MSH4: variants seen among roughly 807,000 people sequenced by gnomAD.
The protein encoded by MSH4 is mutS protein homolog 4.
MSH4 carries 106 observed loss-of-function variants against 113.7 expected under a neutral mutation model. The ratio of observed to expected loss-of-function variants is 0.93; its 90% CI spans 0.80 to 1.10. The LOEUF is 1.10. MSH4 is among the 50% of genes least tolerant of loss of function. The pLI is 0.00. For missense variants in MSH4, 1,061 were observed against 1,093.7 expected, an observed-to-expected ratio of 0.97 and a Z score of 0.42; for synonymous variants, 368 against 380.2, an observed-to-expected ratio of 0.97 and a Z score of 0.37.
Position 75,899,638 on chromosome 1 carries a change from T to C in MSH4, c.2551T>C (p.Ser851Pro), listed in dbSNP as rs745712138. 1 of 1,501,904 alleles carries C rather than the reference T, an allele frequency of 6.7e-7. No homozygotes were observed. 93.0% of individuals were successfully genotyped at this position (1,501,904 alleles called of 1,614,324 possible). A position where few individuals can be genotyped will look rare whatever the true frequency, so the allele number is the denominator to read the frequency against. The change falls in exon 19 of 20, where the codon TCA becomes CCA. Residue 851 changes from serine (S) to proline (P), a missense_variant. Ser to Pro is a moderately conservative substitution (Grantham distance 74). Transcript: ENST00000263187. ...KNYGLKAAEV[S>P]SLPPSIVLDA... ...TCTAGGATTAAAAGCTGCAGAGGTG[T>C]CATCACTTCCACCATCAATTGTCTT... is the stretch of plus-strand genomic sequence containing the variant.
chr1:75,857,198 G>A (rs774205046), intron 8 of MSH4, among the ~76,000 whole-genome samples: 21 of 151,980 alleles, frequency 1.4e-4, no homozygotes, highest in Admixed American at 3.3e-4. Context: ...GCCTTTTGTC[G>A]GATGGATAGA....
At chr1:75,876,743 C>A (rs1357029935) in intron 9 of MSH4, among the ~76,000 whole-genome samples, 193 bp from the exon 10 acceptor site, 1 of 151,922 alleles carries the variant, frequency 6.6e-6, no homozygotes, top group Non-Finnish European at 1.5e-5. Context: ...TAGCCATGTA[C>A]TCTTTATTTG....
rs759935796 is a variant in MSH4, at chr1:75,856,237, G to A, written c.1230+7961G>A. ...TTCAGAAAAAAAAATTATAATTAGC[G>A]CCATAAGGTTTTAAAGGGTCAATGT... On this transcript the variant is annotated intron_variant, in intron 8 of 19. Transcript: ENST00000263187. Among the ~76,000 whole-genome samples the A allele has an allele frequency of 7.2e-5, 11 of 151,916 alleles. No homozygotes were observed. The South Asian group carries it at 8.3e-4, about 12-fold the overall frequency.
chr1:75,848,609 A>G (rs1163001389), intron 8 of MSH4, among the ~76,000 whole-genome samples: 1 of 152,110 alleles, frequency 6.6e-6, no homozygotes, highest in Non-Finnish European at 1.5e-5. Flanking sequence ...ATGCTGTTGC[A>G]TGCTTGTAGT....
intron 9 of MSH4, among the ~76,000 whole-genome samples, chr1:75,869,630 G>A (rs1029316428): frequency 1.3e-5 from 2 of 152,154 alleles, no homozygotes; most frequent in African/African-American, 2.4e-5. Flanking sequence ...CACACAGCTC[G>A]GGCCATGGCT....
At chr1:75,837,895 C>T (rs1172409168) in intron 7 of MSH4, among the ~76,000 whole-genome samples, 1 of 152,038 alleles carries the variant, frequency 6.6e-6, no homozygotes, top group East Asian at 1.9e-4. Context: ...CCCAGGATAC[C>T]TTAATTCTCT....
chr1:75,862,065 AG>A (rs1651467935), intron 8 of MSH4, among the ~76,000 whole-genome samples: 1 of 152,012 alleles, frequency 6.6e-6, no homozygotes, highest in Admixed American at 6.6e-5. Context: ...ACCAGGGAGG[AG>A]GTCTCTGTGG....
At chr1:75,878,359 C>A in intron 11 of MSH4, 41 bp downstream of exon 11, 1 of 1,476,438 alleles carries the variant, frequency 6.8e-7, no homozygotes, top group Admixed American at 2.4e-5. Context: ...AGGGATAAAA[C>A]AGCCTTTTCA....
intron 15 of MSH4, among the ~76,000 whole-genome samples, chr1:75,887,639 A>G (rs187118313): frequency 6.6e-6 from 1 of 152,272 alleles, no homozygotes; most frequent in Admixed American, 6.5e-5. Context: ...TTGAGAAGGA[A>G]TTTGTCCAAG....
chr1:75,800,567 G>A (rs1434055223), intron 1 of MSH4, among the ~76,000 whole-genome samples: 1 of 152,100 alleles, frequency 6.6e-6, no homozygotes, highest in African/African-American at 2.4e-5. Flanking sequence ...GAGGAGTAGA[G>A]AGGGATTTAA....
chr1:75,835,901 G>A (rs1650817639), intron 7 of MSH4, among the ~76,000 whole-genome samples: 1 of 152,154 alleles, frequency 6.6e-6, no homozygotes, highest in African/African-American at 2.4e-5. Context: ...GATCTTGTTG[G>A]TTCTCTGTAC....
At chr1:75,891,417 C>T (rs1334555059) in intron 17 of MSH4, among the ~76,000 whole-genome samples, 2 of 151,768 alleles carry the variant, frequency 1.3e-5, no homozygotes, top group Admixed American at 6.6e-5. Context: ...AGTTATTTAC[C>T]TTAAATGAAA....
At chr1:75,881,577 A>G (rs1651933559) in intron 14 of MSH4, among the ~76,000 whole-genome samples, 1 of 152,020 alleles carries the variant, frequency 6.6e-6, no homozygotes, top group South Asian at 2.1e-4. Context: ...AGAAATTGGC[A>G]AACCAAAAAG....
intron 8 of MSH4, among the ~76,000 whole-genome samples, chr1:75,865,227 T>G (rs1168869338): frequency 3.3e-5 from 5 of 152,196 alleles, no homozygotes; most frequent in African/African-American, 1.2e-4. Context: ...AGTTGGCTTT[T>G]GGAGAACCTA....
In MSH4 at chr1:75,821,666, T is replaced by C. The variant is rs1271320907; in HGVS notation, c.990-743T>C. On this transcript the variant is annotated intron_variant, in intron 6 of 19. Coordinates refer to ENST00000263187, the MANE Select transcript of MSH4 (RefSeq NM_002440.4). The stretch of plus-strand genomic sequence containing the variant: ...ACTCTGTCTCCACACTGGAATACAG[T>C]GGTGCAAGTATGGTTCACTGCAGCC... Among the ~76,000 whole-genome samples the C allele has an allele frequency of 2.0e-5, 3 of 152,306 alleles. No homozygotes were observed. In the East Asian group the frequency reaches 5.8e-4, roughly 29 times the overall value.
chr1:75,827,377 A>T (rs1207001948), intron 7 of MSH4, among the ~76,000 whole-genome samples: 1 of 152,202 alleles, frequency 6.6e-6, no homozygotes, highest in Non-Finnish European at 1.5e-5. Context: ...CAGCCACTGT[A>T]AAAATACACC....
chr1:75,884,999 ATGTG>A (rs1214035497), intron 15 of MSH4, among the ~76,000 whole-genome samples: 1 of 144,576 alleles, frequency 6.9e-6, no homozygotes, highest in Non-Finnish European at 1.5e-5. Flanking sequence ...GTGTATATAT[ATGTG>A]TGTGTGTATG....
intron 2 of MSH4, among the ~76,000 whole-genome samples, chr1:75,805,921 T>A (rs1157573820): frequency 6.6e-6 from 1 of 152,100 alleles, no homozygotes; most frequent in African/African-American, 2.4e-5. Flanking sequence ...ATTGGTTAAT[T>A]TATTGGTTAT....
chr1:75,828,241 C>T (rs1650600618), intron 7 of MSH4, among the ~76,000 whole-genome samples: 1 of 152,220 alleles, frequency 6.6e-6, no homozygotes, highest in African/African-American at 2.4e-5. Context: ...CTGTGGAAAG[C>T]AGTTTGGAGA....
Sources: allele counts gnomAD v4.1 joint callset (sites outside exome capture counted in the v4.1 genomes callset), GRCh38; gene constraint gnomAD v4.1.1; transcripts MANE v1.5; gene names NCBI Gene and HGNC (gene_info 2026-07-23, HGNC 2026-07-21).